The following CNTN5 variants were observed in gnomAD, a reference collection of about 807,000 sequenced individuals.
The protein encoded by CNTN5 is contactin 5.
CNTN5 carries 77 observed loss-of-function variants against 129.1 expected under a neutral mutation model. The ratio of observed to expected loss-of-function variants is 0.60; its 90% CI spans 0.50 to 0.72. The LOEUF (loss-of-function observed/expected upper bound fraction) is 0.72, where lower values mean the gene tolerates loss of function less well. Among genes scored for constraint, CNTN5 ranks in the 30% least tolerant of loss-of-function variants. CNTN5 has a pLI of 0.00. For synonymous variants in CNTN5, 509 were observed against 465.6 expected (o/e 1.09, Z -1.20); for missense variants, 1,478 against 1,328.8 (o/e 1.11, Z -1.75).
intron 8 of CNTN5, among the ~76,000 whole-genome samples, chr11:99,976,060 TG>T (rs1452489406): frequency 6.6e-6 from 1 of 152,198 alleles, no homozygotes; most frequent in African/African-American, 2.4e-5. Flanking sequence ...AGGGAGAAAC[TG>T]GTCATAACCA....
chr11:99,148,294 C>G (rs145699369), intron 1 of CNTN5, among the ~76,000 whole-genome samples: 60 of 152,076 alleles, frequency 3.9e-4, no homozygotes, highest in African/African-American at 1.2e-3. Flanking sequence ...TTGGCAACTG[C>G]TTTCTCCTCA....
At chr11:99,687,776 A>G (rs1252856015) in intron 3 of CNTN5, among the ~76,000 whole-genome samples, 1 of 152,190 alleles carries the variant, frequency 6.6e-6, no homozygotes, top group East Asian at 1.9e-4. Flanking sequence ...GTTACTTGCA[A>G]AAGTCTTGGT....
intron 3 of CNTN5, among the ~76,000 whole-genome samples, chr11:99,735,467 T>C (rs982071701): frequency 5.9e-5 from 9 of 152,226 alleles, no homozygotes; most frequent in South Asian, 2.1e-4. Flanking sequence ...CTGTGGACCA[T>C]AAGAAGATTG....
Position 100,356,158 on chromosome 11 carries a change from TC to T in CNTN5, c.3243del (p.Thr1082HisfsTer12). On this transcript the variant is annotated frameshift_variant, in exon 25 of 25. Transcript: ENST00000524871. LOFTEE classifies it high-confidence loss of function. Reference protein sequence around the residue: ...TSAQSTLHSLSTSSSSVTLLL... With the variant: ...TSAQSTLHSLXTSSSSVTLLL... ...TGCACAGTCGACCCTTCACTCTCTC[TC>T]CACATCTTCGTCATCAGTCACCTTG... is the stretch of plus-strand genomic sequence containing the variant. 1 of 1,610,784 alleles carries T rather than the reference TC, an allele frequency of 6.2e-7. No individual in the cohort carries two copies. The highest frequency in any genetic ancestry group is 8.5e-7 in the Non-Finnish European group (1 of 1,178,184).
At chr11:99,223,222 A>G (rs1037243924) in intron 1 of CNTN5, among the ~76,000 whole-genome samples, 1 of 152,168 alleles carries the variant, frequency 6.6e-6, no homozygotes, top group Non-Finnish European at 1.5e-5. Flanking sequence ...TGTACATCAG[A>G]GAAAAAACAT....
At chr11:100,188,164 C>A (rs1002371910) in intron 13 of CNTN5, among the ~76,000 whole-genome samples, 1 of 152,190 alleles carries the variant, frequency 6.6e-6, no homozygotes, top group Non-Finnish European at 1.5e-5. Context: ...AAGAGGCCAG[C>A]CAGGTGCAGT....
intron 8 of CNTN5, among the ~76,000 whole-genome samples, chr11:99,993,355 C>T (rs1405047458): frequency 6.6e-6 from 1 of 152,102 alleles, no homozygotes; most frequent in African/African-American, 2.4e-5. Context: ...GTTACTTGAC[C>T]TCTTTGACTC....
At chr11:100,135,099 A>C (rs1946482153) in intron 13 of CNTN5, among the ~76,000 whole-genome samples, 1 of 152,028 alleles carries the variant, frequency 6.6e-6, no homozygotes, top group Non-Finnish European at 1.5e-5. Context: ...TAAAGAGACA[A>C]CATAATTTAA....
chr11:99,336,733 C>T (rs1591539268), intron 2 of CNTN5, among the ~76,000 whole-genome samples: 2 of 151,772 alleles, frequency 1.3e-5, no homozygotes. Flanking sequence ...CCAGCTGAGG[C>T]AGGAGAATCG....
At chr11:99,896,469 AGAG>A (rs1161593468) in intron 6 of CNTN5, among the ~76,000 whole-genome samples, 1 of 152,140 alleles carries the variant, frequency 6.6e-6, no homozygotes, top group African/African-American at 2.4e-5. Flanking sequence ...GCTGAGATAC[AGAG>A]GAGTAGCAGG....
At chr11:99,069,058 C>CA (rs1386797866) in intron 1 of CNTN5, among the ~76,000 whole-genome samples, 1 of 151,824 alleles carries the variant, frequency 6.6e-6, no homozygotes, top group East Asian at 1.9e-4. Context: ...AATTTGAAAG[C>CA]AAAAATAGGA....
intron 2 of CNTN5, among the ~76,000 whole-genome samples, chr11:99,551,525 C>A (rs746943578): frequency 5.9e-5 from 9 of 152,148 alleles, no homozygotes; most frequent in Non-Finnish European, 1.2e-4. Flanking sequence ...TGTAATTTAT[C>A]TAATAAATGG....
chr11:99,761,223 A>T (rs905618786), intron 3 of CNTN5, among the ~76,000 whole-genome samples: 9 of 152,038 alleles, frequency 5.9e-5, no homozygotes, highest in Non-Finnish European at 1.0e-4. Context: ...GATCAAAGTA[A>T]ATCTTCAGGT....
intron 2 of CNTN5, among the ~76,000 whole-genome samples, chr11:99,446,039 G>T (rs1298746636): frequency 6.7e-6 from 1 of 148,632 alleles, no homozygotes. Context: ...AGCCAAGGTC[G>T]CACCACGGCA....
chr11:99,896,057 C>G (rs111367843), intron 6 of CNTN5, among the ~76,000 whole-genome samples: 19 of 152,256 alleles, frequency 1.2e-4, no homozygotes, highest in African/African-American at 3.9e-4. Flanking sequence ...GAGTGCATAA[C>G]TCCCAGAGGT....
chr11:99,868,320 G>A (rs1338939295), intron 6 of CNTN5, among the ~76,000 whole-genome samples: 2 of 151,642 alleles, frequency 1.3e-5, no homozygotes, highest in African/African-American at 4.8e-5. Flanking sequence ...TGTAAACAGA[G>A]CTTAAGCCAA....
chr11:99,247,091 G>A (rs17659929), intron 1 of CNTN5, among the ~76,000 whole-genome samples: 14,342 of 152,080 alleles, frequency 0.094, 724 homozygotes, highest in South Asian at 0.14. Context: ...AGAATTTTCT[G>A]TGTGTCTGGC....
At chr11:99,241,912 G>A (rs1436043390) in intron 1 of CNTN5, among the ~76,000 whole-genome samples, 2 of 151,820 alleles carry the variant, frequency 1.3e-5, no homozygotes, top group African/African-American at 4.8e-5. Context: ...TGATGATGGA[G>A]GAATACAGCA....
At chr11:99,297,750 C>T (rs1284875531) in intron 1 of CNTN5, among the ~76,000 whole-genome samples, 2 of 152,044 alleles carry the variant, frequency 1.3e-5, no homozygotes, top group African/African-American at 2.4e-5. Context: ...ATTTTTCATA[C>T]CTCAGCATGC....
Sources: gnomAD v4.1 joint callset for allele counts (sites outside exome capture counted in the v4.1 genomes callset) on GRCh38, gnomAD v4.1.1 for gene constraint, MANE v1.5 for transcripts, NCBI Gene and HGNC (gene_info 2026-07-23, HGNC 2026-07-21) for gene names.